AKAP10: variants seen among roughly 807,000 people sequenced by gnomAD.
AKAP10 encodes A-kinase anchor protein 10, mitochondrial.
In AKAP10, 24 loss-of-function variants were observed where a neutral mutation model predicts 80.8. The observed-to-expected ratio is 0.30, with a 90% confidence interval of 0.22 to 0.42. The LOEUF (loss-of-function observed/expected upper bound fraction) is 0.42, where lower values mean the gene tolerates loss of function less well. Ranked by LOEUF, AKAP10 falls within the 10% of genes least tolerant of loss-of-function variation. The pLI is 1.00. For missense variants in AKAP10, 661 were observed against 794.9 expected, an observed-to-expected ratio of 0.83 and a Z score of 2.03; for synonymous variants, 291 against 277.7, an observed-to-expected ratio of 1.05 and a Z score of -0.48.
intron 12 of AKAP10, among the ~76,000 whole-genome samples, chr17:19,912,486 A>C (rs1230565198): frequency 6.6e-6 from 1 of 152,162 alleles, no homozygotes; most frequent in African/African-American, 2.4e-5. Context: ...TGAGTGAGCC[A>C]ACATCGCACC....
At chr17:19,964,449 C>G (rs994083934) in intron 2 of AKAP10, among the ~76,000 whole-genome samples, 2 of 152,154 alleles carry the variant, frequency 1.3e-5, no homozygotes, top group African/African-American at 4.8e-5. Context: ...ATATAGCCTG[C>G]TTCTTTGGCT....
At chr17:19,967,580 G>A (rs2043435905) in intron 2 of AKAP10, among the ~76,000 whole-genome samples, 3 of 152,200 alleles carry the variant, frequency 2.0e-5, no homozygotes, top group East Asian at 1.9e-4. Context: ...TACACACAAG[G>A]CTCAGTAAAA....
In AKAP10 at chr17:19,960,122, T is replaced by C. The variant is rs76014776; in HGVS notation, c.320-1551A>G. On this transcript the variant is annotated intron_variant, in intron 3 of 14. Coordinates refer to ENST00000225737, the MANE Select transcript of AKAP10 (RefSeq NM_007202.4). The stretch of plus-strand genomic sequence containing the variant: ...CCTAGAGATCCCTTGTACACTTTAG[T>C]TTCTCCCATGGTAACATCTTGCAAA... Among the ~76,000 whole-genome samples the C allele has an allele frequency of 6.1e-3, 924 of 152,292 alleles. 2 individuals are homozygous for C. Among genetic ancestry groups the C allele is most frequent in the Middle Eastern group, 0.014 (4 of 294 alleles).
chr17:19,938,845 G>A (rs986501368), intron 8 of AKAP10, among the ~76,000 whole-genome samples: 7 of 150,960 alleles, frequency 4.6e-5, no homozygotes, highest in Non-Finnish European at 1.0e-4. Context: ...TGATCCTTCT[G>A]CCTCAGGCCC....
intron 1 of AKAP10, among the ~76,000 whole-genome samples, chr17:19,971,615 C>T (rs1490823976): frequency 6.6e-6 from 1 of 152,166 alleles, no homozygotes; most frequent in African/African-American, 2.4e-5. Flanking sequence ...TTCATTCACG[C>T]AGCTCTAGTT....
intron 8 of AKAP10, 94 bp downstream of exon 8, chr17:19,939,619 G>T: frequency 7.0e-7 from 1 of 1,436,386 alleles, no homozygotes; most frequent in South Asian, 1.3e-5. Context: ...TGAGCTCCTT[G>T]ACAACAGAGA....
At chr17:19,939,155 T>G (rs1320457163) in intron 8 of AKAP10, among the ~76,000 whole-genome samples, 2 of 152,166 alleles carry the variant, frequency 1.3e-5, no homozygotes, top group Non-Finnish European at 2.9e-5. Flanking sequence ...TGTATGATGT[T>G]TCCATCCTCT....
intron 2 of AKAP10, among the ~76,000 whole-genome samples, chr17:19,964,794 G>A (rs532447755): frequency 6.6e-6 from 1 of 152,350 alleles, no homozygotes; most frequent in South Asian, 2.1e-4. Context: ...TTGGGAGGCT[G>A]AGGCAGGAGA....
At chr17:19,971,446 T>A (rs927679245) in intron 1 of AKAP10, among the ~76,000 whole-genome samples, 2 of 151,206 alleles carry the variant, frequency 1.3e-5, no homozygotes, top group South Asian at 2.1e-4. Flanking sequence ...GAGGTGGAGG[T>A]TGCAGTGAGC....
At position 19,936,304 on chromosome 17, in the gene AKAP10, G is replaced by A; in HGVS notation, c.1449C>T (p.Ala483=). 3 of 1,613,592 alleles carry A rather than the reference G, an allele frequency of 1.9e-6. No individual in the cohort carries two copies. The highest frequency in any genetic ancestry group is 2.2e-5 in the East Asian group (1 of 44,874). Residue 483 remains alanine (A), a synonymous_variant, in exon 9 of 15, where the codon GCC becomes GCT. Transcript: ENST00000225737. ...PNCFTTPLRQ[A]WTTMEKVFLP... ...GGGTTACCTTCTCCATGGTTGTCCA[G>A]GCCTGACGTAATGGAGTTGTGAAAC...
intron 5 of AKAP10, among the ~76,000 whole-genome samples, chr17:19,946,237 T>TAAAA (rs1491288818): frequency 3.3e-4 from 5 of 15,174 alleles, no homozygotes; most frequent in Non-Finnish European, 5.1e-4. Flanking sequence ...TATATATATA[T>TAAAA]TATATATATA....
chr17:19,905,787 T>TCAC lies in AKAP10; in HGVS notation c.*439_*440insGTG. ...TCTCGGTGGGGCTGACTCACCTGCT[T>TCAC]TGGAAGGACAAAGCAAACCACCTCT... On this transcript the variant is annotated 3_prime_UTR_variant, in exon 15 of 15. Transcript: ENST00000225737. 1 of 149,380 alleles carries TCAC rather than the reference T, an allele frequency of 6.7e-6. No homozygotes were observed. Among genetic ancestry groups the TCAC allele is most frequent in the Non-Finnish European group, 1.5e-5 (1 of 67,204 alleles). 9.3% of individuals were successfully genotyped at this position (149,380 alleles called of 1,614,324 possible).
chr17:19,959,406 A>G (rs1329178408), intron 3 of AKAP10, among the ~76,000 whole-genome samples: 1 of 152,184 alleles, frequency 6.6e-6, no homozygotes, highest in South Asian at 2.1e-4. Context: ...AGGAGCATTC[A>G]GGAACAGATA....
chr17:19,924,555 A>C (rs765187438), intron 10 of AKAP10, 38 bp from the exon 11 acceptor site: 17 of 1,413,462 alleles, frequency 1.2e-5, no homozygotes, highest in Admixed American at 9.7e-5. Flanking sequence ...TATATGAAAC[A>C]ATCAGTCCTG....
intron 12 of AKAP10, among the ~76,000 whole-genome samples, chr17:19,918,391 A>C (rs1327931185): frequency 2.0e-5 from 3 of 152,116 alleles, no homozygotes; most frequent in African/African-American, 7.2e-5. Flanking sequence ...CTAAAAATGC[A>C]AAAATTAGCC....
chr17:19,906,247 G>C lies in AKAP10; in HGVS notation c.1984-15C>G, dbSNP rs758251704. 3.7e-6 allele frequency: 6 copies of C among 1,603,248 alleles called. No individual in the cohort carries two copies. In the South Asian group the frequency reaches 4.4e-5, roughly 12 times the overall value. On this transcript the variant is annotated splice_polypyrimidine_tract_variant and intron_variant, in intron 14 of 14. Transcript: ENST00000225737. ...TTGAGTCATAACTGAAAAAAGAAAA[G>C]AAAAGAAAATGGTAAGGTGCATTTC...
chr17:19,924,236 G>A (rs1479063412), intron 11 of AKAP10, among the ~76,000 whole-genome samples, 172 bp downstream of exon 11: 2 of 152,016 alleles, frequency 1.3e-5, no homozygotes, highest in African/African-American at 2.4e-5. Flanking sequence ...TTAAAACCCA[G>A]GAAGTCACTC....
intron 4 of AKAP10, among the ~76,000 whole-genome samples, chr17:19,955,313 C>T (rs203470): frequency 0.4 from 61,370 of 151,870 alleles, 12,829 homozygotes; most frequent in African/African-American, 0.5. Context: ...AGAGGTGGGG[C>T]TTGACTTCAA....
intron 9 of AKAP10, among the ~76,000 whole-genome samples, chr17:19,934,705 A>G (rs545538545): frequency 6.6e-6 from 1 of 152,300 alleles, no homozygotes; most frequent in South Asian, 2.1e-4. Context: ...AGATAAGGAA[A>G]ATGGCATTAG....
Sources: gnomAD v4.1 joint callset for allele counts (sites outside exome capture counted in the v4.1 genomes callset) on GRCh38, gnomAD v4.1.1 for gene constraint, MANE v1.5 for transcripts, NCBI Gene and HGNC (gene_info 2026-07-23, HGNC 2026-07-21) for gene names.